The following BTBD9 variants were observed in gnomAD, a reference collection of about 807,000 sequenced individuals.
BTBD9 encodes the protein BTB/POZ domain-containing protein 9.
BTBD9 carries 49 observed loss-of-function variants against 64.3 expected under a neutral mutation model. The observed-to-expected ratio is 0.76, with a 90% CI of 0.61 to 0.97. BTBD9 has a LOEUF of 0.97. BTBD9 is among the 50% of genes least tolerant of loss of function. BTBD9 has a pLI of 0.00. For synonymous variants in BTBD9, 260 were observed against 274.7 expected, an observed-to-expected ratio of 0.95 and a Z score of 0.53; for missense variants, 598 against 762.1, an observed-to-expected ratio of 0.78 and a Z score of 2.53.
At chr6:38,366,621 C>T (rs754416297) in intron 6 of BTBD9, among the ~76,000 whole-genome samples, 4 of 152,100 alleles carry the variant, frequency 2.6e-5, no homozygotes, top group Non-Finnish European at 4.4e-5. Context: ...ATATTTAAAA[C>T]GAAATATTTT....
intron 9 of BTBD9, among the ~76,000 whole-genome samples, chr6:38,253,039 G>T (rs916073828): frequency 1.3e-5 from 2 of 152,120 alleles, no homozygotes; most frequent in African/African-American, 4.8e-5. Flanking sequence ...ACCTGAACCT[G>T]GGAGGCGGAG....
chr6:38,435,857 T>C (rs575600009), intron 6 of BTBD9, among the ~76,000 whole-genome samples: 1 of 151,278 alleles, frequency 6.6e-6, no homozygotes, highest in African/African-American at 2.4e-5. Flanking sequence ...TTAGTAGAGA[T>C]GGAGTTTCAT....
chr6:38,576,982 G>A (rs942424063), intron 6 of BTBD9, among the ~76,000 whole-genome samples: 8 of 152,076 alleles, frequency 5.3e-5, no homozygotes, highest in Non-Finnish European at 1.0e-4. Context: ...CGAGGGCTGC[G>A]ATACATAACA....
chr6:38,539,649 GAAT>G (rs1774177852), intron 6 of BTBD9, among the ~76,000 whole-genome samples: 1 of 152,030 alleles, frequency 6.6e-6, no homozygotes, highest in Non-Finnish European at 1.5e-5. Context: ...ATTTTTCTCA[GAAT>G]AATATGAAAA....
chr6:38,253,194 T>A (rs1428302838), intron 9 of BTBD9, among the ~76,000 whole-genome samples: 2 of 152,150 alleles, frequency 1.3e-5, no homozygotes, highest in Admixed American at 6.5e-5. Context: ...CATACTAGTA[T>A]AAAGAAATAT....
At chr6:38,576,343 G>A (rs1484442051) in intron 6 of BTBD9, among the ~76,000 whole-genome samples, 1 of 150,298 alleles carries the variant, frequency 6.7e-6, no homozygotes, top group Non-Finnish European at 1.5e-5. Context: ...AAGAGCAACC[G>A]CTAGACCTGA....
chr6:38,619,878 C>A (rs1402125494), intron 1 of BTBD9, among the ~76,000 whole-genome samples: 2 of 152,162 alleles, frequency 1.3e-5, no homozygotes, highest in Non-Finnish European at 2.9e-5. Context: ...AAGTCCCACA[C>A]CCTTATTAGG....
chr6:38,452,336 C>T (rs1328492540), intron 6 of BTBD9, among the ~76,000 whole-genome samples: 4 of 151,960 alleles, frequency 2.6e-5, no homozygotes, highest in African/African-American at 9.7e-5. Flanking sequence ...TACAGTATAC[C>T]ACTATACTAT....
intron 9 of BTBD9, among the ~76,000 whole-genome samples, chr6:38,196,823 G>A (rs1218511448): frequency 6.6e-6 from 1 of 152,106 alleles, no homozygotes; most frequent in Non-Finnish European, 1.5e-5. Flanking sequence ...TTTTTCCATA[G>A]AAATAAAGCT....
At chr6:38,209,647 C>G (rs938668872) in intron 9 of BTBD9, among the ~76,000 whole-genome samples, 2 of 152,166 alleles carry the variant, frequency 1.3e-5, no homozygotes. Context: ...TTTTAAATTC[C>G]TCAGGTGATT....
intron 1 of BTBD9, among the ~76,000 whole-genome samples, chr6:38,621,825 G>A (rs4714171): frequency 0.063 from 9,604 of 152,208 alleles, 719 homozygotes; most frequent in East Asian, 0.23. Context: ...AAACCGTCGG[G>A]CAGATGCTGA....
chr6:38,489,988 T>C (rs998066821), intron 6 of BTBD9, among the ~76,000 whole-genome samples: 21 of 152,212 alleles, frequency 1.4e-4, no homozygotes, highest in African/African-American at 5.1e-4. Flanking sequence ...TTCCAGCTAG[T>C]CAAATCCTCT....
chr6:38,609,830 T>C (rs1777552026), intron 1 of BTBD9, among the ~76,000 whole-genome samples: 1 of 152,226 alleles, frequency 6.6e-6, no homozygotes, highest in South Asian at 2.1e-4. Context: ...ATTTCATCAG[T>C]TGGTTCTTTA....
At chr6:38,230,791 G>A (rs1015913974) in intron 9 of BTBD9, among the ~76,000 whole-genome samples, 8 of 152,220 alleles carry the variant, frequency 5.3e-5, no homozygotes, top group African/African-American at 1.4e-4. Flanking sequence ...TTGGAAGGCT[G>A]GCTTCTATCT....
intron 6 of BTBD9, among the ~76,000 whole-genome samples, chr6:38,395,955 C>T (rs1052431554): frequency 3.3e-5 from 5 of 152,094 alleles, no homozygotes; most frequent in African/African-American, 7.2e-5. Flanking sequence ...GTGATTCGCC[C>T]GCCTCGGCCT....
chr6:38,612,065 T>A (rs1244035761), intron 1 of BTBD9, among the ~76,000 whole-genome samples: 1 of 152,178 alleles, frequency 6.6e-6, no homozygotes, highest in Non-Finnish European at 1.5e-5. Context: ...CACTATTCAA[T>A]TTTTCCATTC....
Position 38,460,489 on chromosome 6 carries a change from C to T in BTBD9, c.1155-115396G>A, listed in dbSNP as rs148986842. Among the ~76,000 whole-genome samples, 8 of 152,276 alleles carry T rather than the reference C, an allele frequency of 5.3e-5. No individual in the cohort carries two copies. In the East Asian group the frequency reaches 1.3e-3, roughly 26 times the overall value. On this transcript the variant is annotated intron_variant, in intron 6 of 10. Transcript: ENST00000481247. Reference sequence around the variant, plus strand: ...AGAATTTACTGGTGTAATATAAGAACAATAGGACACCCCTACACTAATAGC... The same window carrying T: ...AGAATTTACTGGTGTAATATAAGAATAATAGGACACCCCTACACTAATAGC...
intron 6 of BTBD9, among the ~76,000 whole-genome samples, chr6:38,465,757 GTA>G: frequency 3.9e-5 from 1 of 25,592 alleles, no homozygotes; most frequent in Admixed American, 4.8e-4. Flanking sequence ...ATATATATAT[GTA>G]TGTATGTATG....
At chr6:38,460,319 G>T (rs1770016971) in intron 6 of BTBD9, among the ~76,000 whole-genome samples, 1 of 152,148 alleles carries the variant, frequency 6.6e-6, no homozygotes, top group Admixed American at 6.5e-5. Flanking sequence ...TCCGAGAAAT[G>T]ATCAAACCAG....
Sources: gnomAD v4.1 joint callset for allele counts (sites outside exome capture counted in the v4.1 genomes callset) on GRCh38, gnomAD v4.1.1 for gene constraint, MANE v1.5 for transcripts, NCBI Gene and HGNC (gene_info 2026-07-23, HGNC 2026-07-21) for gene names.